Variants in RALGAPA2 observed in about 807,000 individuals in gnomAD.
RALGAPA2 encodes ral GTPase-activating protein subunit alpha-2.
RALGAPA2 carries 139 observed loss-of-function variants against 230.4 expected under a neutral mutation model. The ratio of observed to expected loss-of-function variants is 0.60; its 90% CI spans 0.53 to 0.69. RALGAPA2 has a LOEUF of 0.69. Among genes scored for constraint, RALGAPA2 ranks in the 30% least tolerant of loss-of-function variants. The pLI, the probability that RALGAPA2 is intolerant of heterozygous loss-of-function variation, is 0.00. For synonymous variants in RALGAPA2, 847 were observed against 837.8 expected, an observed-to-expected ratio of 1.01 and a Z score of -0.19; for missense variants, 2,163 against 2,276.0, an observed-to-expected ratio of 0.95 and a Z score of 1.01.
chr20:20,625,630 A>G (rs2066468285), intron 10 of RALGAPA2, among the ~76,000 whole-genome samples: 1 of 152,188 alleles, frequency 6.6e-6, no homozygotes, highest in African/African-American at 2.4e-5. Context: ...AGTAATCCTT[A>G]CAACTTGAAC....
chr20:20,677,830 T>G (rs1337276490), intron 2 of RALGAPA2, among the ~76,000 whole-genome samples: 8 of 151,516 alleles, frequency 5.3e-5, no homozygotes, highest in African/African-American at 1.7e-4. Context: ...GTATTTTTAG[T>G]AGAGACAGGG....
chr20:20,661,108 C>T (rs959235354), intron 3 of RALGAPA2, among the ~76,000 whole-genome samples: 8 of 152,008 alleles, frequency 5.3e-5, no homozygotes, highest in African/African-American at 1.9e-4. Context: ...AGAAGAAGTA[C>T]AAAAGACATA....
chr20:20,459,279 A>G (rs1425337774), intron 37 of RALGAPA2, among the ~76,000 whole-genome samples: 1 of 152,222 alleles, frequency 6.6e-6, no homozygotes, highest in Non-Finnish European at 1.5e-5. Flanking sequence ...ACTTCAGATT[A>G]CTATTTCCTC....
At chr20:20,574,810 G>C (rs1236009737) in intron 20 of RALGAPA2, among the ~76,000 whole-genome samples, 2 of 152,028 alleles carry the variant, frequency 1.3e-5, no homozygotes, top group Non-Finnish European at 2.9e-5. Flanking sequence ...ATCTCTCGCA[G>C]CTCAGTTTTT....
intron 35 of RALGAPA2, among the ~76,000 whole-genome samples, chr20:20,495,626 G>A (rs1555360): frequency 0.074 from 11,239 of 152,214 alleles, 573 homozygotes; most frequent in East Asian, 0.16. Flanking sequence ...TTAACAACAC[G>A]TGTCTTTTAT....
chr20:20,561,378 CAAG>C (rs1215371426), intron 23 of RALGAPA2, among the ~76,000 whole-genome samples: 3 of 152,226 alleles, frequency 2.0e-5, no homozygotes, highest in African/African-American at 7.2e-5. Context: ...AGTGCTCATG[CAAG>C]AAGTGGAACC....
chr20:20,427,332 G>T (rs897204298), intron 37 of RALGAPA2, among the ~76,000 whole-genome samples: 3 of 152,158 alleles, frequency 2.0e-5, no homozygotes, highest in Non-Finnish European at 2.9e-5. Context: ...GCCAGTGAGA[G>T]AAATCCCTGT....
At chr20:20,567,369 GAAC>G (rs1383658697) in intron 23 of RALGAPA2, among the ~76,000 whole-genome samples, 5 of 152,304 alleles carry the variant, frequency 3.3e-5, no homozygotes, top group East Asian at 3.9e-4. Flanking sequence ...GAAAAACTGA[GAAC>G]AACAAGAAAC....
chr20:20,617,382 T>TTGA (rs35079280), intron 12 of RALGAPA2, among the ~76,000 whole-genome samples: 3 of 152,148 alleles, frequency 2.0e-5, no homozygotes, highest in Non-Finnish European at 4.4e-5. Context: ...TATAATATAG[T>TTGA]TGATGATGAT....
At chr20:20,419,045 A>G (rs1001175637) in intron 37 of RALGAPA2, among the ~76,000 whole-genome samples, 5 of 152,164 alleles carry the variant, frequency 3.3e-5, no homozygotes, top group African/African-American at 1.2e-4. Context: ...TGGCCTATAT[A>G]TATTTTAAAA....
chr20:20,401,699 T>C (rs2059843638), intron 38 of RALGAPA2, among the ~76,000 whole-genome samples: 1 of 152,084 alleles, frequency 6.6e-6, no homozygotes, highest in South Asian at 2.1e-4. Flanking sequence ...GAGTTCTAGG[T>C]ATTTGTGTGA....
Position 20,605,166 on chromosome 20 carries a change from T to A in RALGAPA2, c.2038+9A>T. 1 of 1,581,970 alleles carries A rather than the reference T, an allele frequency of 6.3e-7. No individual in the cohort carries two copies. Among genetic ancestry groups the A allele is most frequent in the Non-Finnish European group, 8.6e-7 (1 of 1,156,162 alleles). Reference sequence around the variant, plus strand: ...GACATCTGGTGTTAACCTGGAAGAGTGGAAATACCTTTGCCTCGTTGCTTC... The same window carrying A: ...GACATCTGGTGTTAACCTGGAAGAGAGGAAATACCTTTGCCTCGTTGCTTC... On this transcript the variant is annotated intron_variant, in intron 15 of 39. Coordinates refer to ENST00000202677, the MANE Select transcript of RALGAPA2 (RefSeq NM_020343.4).
chr20:20,505,080 A>G (rs909798584), intron 34 of RALGAPA2: 1 of 985,260 alleles, frequency 1.0e-6, no homozygotes, highest in Non-Finnish European at 1.2e-6. Context: ...TTCAATCTCC[A>G]TACTGTGGCC....
intron 36 of RALGAPA2, among the ~76,000 whole-genome samples, chr20:20,476,963 C>T (rs2061667013): frequency 1.3e-5 from 2 of 152,080 alleles, no homozygotes; most frequent in Admixed American, 1.3e-4. Context: ...AAGAAACAGA[C>T]ACTAAAAAGT....
At chr20:20,468,962 T>TG (rs1491321300) in intron 37 of RALGAPA2, among the ~76,000 whole-genome samples, 46 of 149,896 alleles carry the variant, frequency 3.1e-4, no homozygotes, top group African/African-American at 1.0e-3. Flanking sequence ...TGTGTGTGTG[T>TG]TTGTGTGTGT....
intron 15 of RALGAPA2, 114 bp downstream of exon 15, chr20:20,605,061 T>C (rs1405275747): frequency 2.5e-5 from 20 of 789,660 alleles, no homozygotes; most frequent in Non-Finnish European, 3.9e-5. Context: ...AAGAAGACAC[T>C]GTGTAGTTGG....
intron 35 of RALGAPA2, among the ~76,000 whole-genome samples, chr20:20,498,607 G>A (rs770016696): frequency 4.1e-4 from 62 of 152,304 alleles, no homozygotes; most frequent in Non-Finnish European, 7.3e-4. Flanking sequence ...CTTTTACTAA[G>A]TAACAGTCAG....
intron 23 of RALGAPA2, among the ~76,000 whole-genome samples, chr20:20,549,610 C>T (rs2063868438): frequency 6.6e-6 from 1 of 152,166 alleles, no homozygotes; most frequent in African/African-American, 2.4e-5. Flanking sequence ...TGCTTCTCCA[C>T]ACTGAAGTGG....
chr20:20,490,944 G>A (rs2062038384), intron 36 of RALGAPA2, among the ~76,000 whole-genome samples: 2 of 151,274 alleles, frequency 1.3e-5, no homozygotes, highest in South Asian at 2.1e-4. Context: ...GAGAGCCAGC[G>A]ACTACTTCCA....
Sources: allele counts gnomAD v4.1 joint callset (sites outside exome capture counted in the v4.1 genomes callset), GRCh38; gene constraint gnomAD v4.1.1; transcripts MANE v1.5; gene names NCBI Gene and HGNC (gene_info 2026-07-23, HGNC 2026-07-21).